KCNN2: variants seen among roughly 807,000 people sequenced by gnomAD.
The protein encoded by KCNN2 is potassium calcium-activated channel subfamily N member 2.
In KCNN2, 24 loss-of-function variants were observed where a neutral mutation model predicts 55.5. The ratio of observed to expected loss-of-function variants is 0.43; its 90% confidence interval spans 0.31 to 0.61. The LOEUF is 0.61. KCNN2 is among the 20% of genes least tolerant of loss of function. The probability of loss-of-function intolerance (pLI) is 0.08; values close to 1 mark genes in which losing one functional copy is unlikely to be tolerated. For synonymous variants in KCNN2, 431 were observed against 336.1 expected (o/e 1.28, Z -3.09); for missense variants, 754 against 853.6 (o/e 0.88, Z 1.45).
rs148728084 is a variant in KCNN2 at position 114,449,081 on chromosome 5, C to T, written c.1638-13968C>T. Among the ~76,000 whole-genome samples, 690 of 152,224 alleles carry T rather than the reference C, an allele frequency of 4.5e-3. 1 individual carries two copies. The highest frequency in any genetic ancestry group is 6.9e-3 in the Admixed American group (105 of 15,292). The stretch of plus-strand genomic sequence containing the variant: ...GGCCCAAAAATGAAATGGCACAGAA[C>T]GATCGTGAGCTTTCTTTTTTCATTT... On this transcript the variant is annotated intron_variant, in intron 3 of 7. Transcript: ENST00000673685.
chr5:114,145,968 C>T (rs1481437222), intron 1 of KCNN2, among the ~76,000 whole-genome samples: 1 of 151,906 alleles, frequency 6.6e-6, no homozygotes, highest in Non-Finnish European at 1.5e-5. Context: ...GGCATTTTTT[C>T]AGCAAATTTC....
At chr5:114,085,581 C>T (rs1750998595) in intron 1 of KCNN2, among the ~76,000 whole-genome samples, 2 of 151,792 alleles carry the variant, frequency 1.3e-5, no homozygotes, top group South Asian at 4.1e-4. Context: ...AAATTGATTT[C>T]CAAATAAATT....
At chr5:114,238,030 A>G (rs1400238455) in intron 2 of KCNN2, among the ~76,000 whole-genome samples, 1 of 152,138 alleles carries the variant, frequency 6.6e-6, no homozygotes, top group African/African-American at 2.4e-5. Context: ...CTTCAATTTC[A>G]CCGCAAAGGA....
intron 1 of KCNN2, among the ~76,000 whole-genome samples, chr5:114,058,420 A>G (rs1337571961): frequency 6.6e-6 from 1 of 152,174 alleles, no homozygotes; most frequent in Non-Finnish European, 1.5e-5. Flanking sequence ...GCAGGTCACA[A>G]TTGAGTTTTG....
intron 1 of KCNN2, among the ~76,000 whole-genome samples, chr5:114,115,265 A>G (rs914026447): frequency 6.6e-6 from 1 of 152,278 alleles, no homozygotes; most frequent in East Asian, 1.9e-4. Flanking sequence ...ATTTATGCAA[A>G]TAATTTTTTC....
At chr5:114,177,402 G>T (rs1156835019) in intron 1 of KCNN2, among the ~76,000 whole-genome samples, 4 of 152,216 alleles carry the variant, frequency 2.6e-5, no homozygotes, top group African/African-American at 7.2e-5. Flanking sequence ...CTCCCAAAGT[G>T]CTGGGATTAC....
At chr5:114,156,576 T>C (rs1345620417) in intron 1 of KCNN2, among the ~76,000 whole-genome samples, 1 of 152,148 alleles carries the variant, frequency 6.6e-6, no homozygotes. Context: ...GGTTTGTAGT[T>C]CTCCTTGTAG....
rs775941963 is a variant in KCNN2 at position 114,487,017 on chromosome 5, A to G, written c.1891-33A>G. 3.1e-6 allele frequency: 5 copies of G among 1,611,430 alleles called. No individual in the cohort carries two copies. The South Asian group carries it at 5.5e-5, about 18-fold the overall frequency. On this transcript the variant is annotated intron_variant, in intron 5 of 7. Coordinates refer to ENST00000673685, the MANE Select transcript of KCNN2 (RefSeq NM_021614.4). ...AAGTTACAAAGGATTCTGCTCTGGA[A>G]TTTATCAACTGCTTTGTTTGTTCTC...
At chr5:114,372,925 A>C in intron 2 of KCNN2, among the ~76,000 whole-genome samples, 1 of 152,120 alleles carries the variant, frequency 6.6e-6, no homozygotes, top group South Asian at 2.1e-4. Flanking sequence ...CATATTTTAA[A>C]CATTTTTTAT....
At chr5:114,469,665 T>C (rs1380478) in intron 4 of KCNN2, among the ~76,000 whole-genome samples, 59,262 of 152,034 alleles carry the variant, frequency 0.39, 12,850 homozygotes, top group Middle Eastern at 0.49. Context: ...ATTCACTTTA[T>C]GAAACGGAAT....
At chr5:114,248,871 T>C (rs1754801696) in intron 2 of KCNN2, among the ~76,000 whole-genome samples, 1 of 152,194 alleles carries the variant, frequency 6.6e-6, no homozygotes, top group Non-Finnish European at 1.5e-5. Flanking sequence ...TCACAGCATA[T>C]AGTGTAGTAA....
chr5:114,366,603 G>A (rs377130290), intron 2 of KCNN2, among the ~76,000 whole-genome samples: 94 of 152,334 alleles, frequency 6.2e-4, no homozygotes, highest in African/African-American at 2.2e-3. Context: ...AATTTGTCCA[G>A]AGAAGAGCGT....
In KCNN2 at chr5:114,247,162, A is replaced by G. The variant is rs189849184; in HGVS notation, c.-185+25597A>G. 4.3e-3 allele frequency among the ~76,000 whole-genome samples: 642 copies of G among 148,388 alleles called. 2 individuals carry two copies. Among genetic ancestry groups the G allele is most frequent in the Non-Finnish European group, 7.8e-3 (527 of 67,278 alleles). The stretch of plus-strand genomic sequence containing the variant: ...CTACTAGAAAAATAATAATAATAAT[A>G]ATAATACAAAAATTAGCCAGGCATG... On this transcript the variant is annotated intron_variant, in intron 2 of 10. Coordinates refer to the KCNN2 transcript ENST00000512097.
At chr5:114,256,706 T>A (rs1403035832) in intron 2 of KCNN2, among the ~76,000 whole-genome samples, 1 of 152,192 alleles carries the variant, frequency 6.6e-6, no homozygotes, top group Admixed American at 6.6e-5. Flanking sequence ...CTTTGCCCAC[T>A]TATTAATGGG....
chr5:114,445,239 G>A (rs1411488526), intron 3 of KCNN2, among the ~76,000 whole-genome samples: 5 of 152,136 alleles, frequency 3.3e-5, no homozygotes, highest in African/African-American at 7.2e-5. Context: ...TTATGATAAA[G>A]TGTATGTAAA....
rs546571440 is a variant in KCNN2 at position 114,131,848 on chromosome 5, G to A, written c.-271+75348G>A. Among the ~76,000 whole-genome samples, 23 of 152,274 alleles carry A rather than the reference G, an allele frequency of 1.5e-4. No individual in the cohort carries two copies. The South Asian group carries it at 3.7e-3, about 25-fold the overall frequency. On this transcript the variant is annotated intron_variant, in intron 1 of 10. Coordinates refer to the KCNN2 transcript ENST00000512097. ...GACTGGCATAAGATGGTATCTCATT[G>A]TGGTTTTGATTTGCATTTCTCTAAT...
At chr5:114,329,323 G>A (rs967457408) in intron 2 of KCNN2, among the ~76,000 whole-genome samples, 13 of 152,242 alleles carry the variant, frequency 8.5e-5, no homozygotes, top group African/African-American at 3.1e-4. Context: ...TAACATTTGA[G>A]TCAGTGGACT....
chr5:114,434,861 G>A (rs1379280013), intron 3 of KCNN2, among the ~76,000 whole-genome samples: 1 of 152,148 alleles, frequency 6.6e-6, no homozygotes, highest in Non-Finnish European at 1.5e-5. Context: ...CTGTAATTGG[G>A]TATTTCCCTT....
chr5:114,399,742 T>C (rs1391381074), intron 2 of KCNN2, among the ~76,000 whole-genome samples: 1 of 152,134 alleles, frequency 6.6e-6, no homozygotes, highest in African/African-American at 2.4e-5. Context: ...TCTGTGCTTT[T>C]TCTGATTGAT....
Sources: allele counts gnomAD v4.1 joint callset (sites outside exome capture counted in the v4.1 genomes callset), GRCh38; gene constraint gnomAD v4.1.1; transcripts MANE v1.5; gene names NCBI Gene and HGNC (gene_info 2026-07-23, HGNC 2026-07-21).